Variants in TMIE observed in about 807,000 individuals in gnomAD.
TMIE encodes transmembrane inner ear.
A neutral mutation model predicts 16.8 loss-of-function variants in TMIE; 14 were observed. The ratio of observed to expected loss-of-function variants is 0.83; its 90% CI spans 0.55 to 1.30. TMIE has a LOEUF of 1.30. TMIE is among the 50% of genes most tolerant of loss of function. The pLI is 0.00. For missense variants in TMIE, 204 were observed against 205.9 expected, an observed-to-expected ratio of 0.99 and a Z score of 0.06; for synonymous variants, 75 against 87.2, an observed-to-expected ratio of 0.86 and a Z score of 0.78.
At chr3:46,698,029 G>C (rs977149472), upstream of TMIE, among the ~76,000 whole-genome samples, 2 of 152,038 alleles carry the variant, frequency 1.3e-5, no homozygotes, top group African/African-American at 4.8e-5. Flanking sequence ...GATCCAACAA[G>C]GTTTTTTGTT....
Position 46,703,056 on chromosome 3 carries a change from C to T in TMIE, c.93+1476C>T, listed in dbSNP as rs1045804901. ...GGAAATTGCATTTGGAGGCCATCTGCCTGACATCTGCCTACAGTCTGAGCA... is the reference window on the plus strand; with the variant it reads ...GGAAATTGCATTTGGAGGCCATCTGTCTGACATCTGCCTACAGTCTGAGCA... On this transcript the variant is annotated intron_variant, in intron 1 of 3. Coordinates refer to ENST00000643606, the MANE Select transcript of TMIE (RefSeq NM_147196.3). Among the ~76,000 whole-genome samples the T allele has an allele frequency of 3.9e-5, 6 of 152,204 alleles. No homozygotes were observed. The East Asian group carries it at 7.7e-4, about 20-fold the overall frequency.
At chr3:46,700,114 A>T (rs1195489939), upstream of TMIE, among the ~76,000 whole-genome samples, 2 of 152,206 alleles carry the variant, frequency 1.3e-5, no homozygotes, top group African/African-American at 2.4e-5. Flanking sequence ...ATTTTAGCAG[A>T]GTTCCTGTTT....
chr3:46,703,818 C>T (rs1270466308), intron 1 of TMIE, among the ~76,000 whole-genome samples: 2 of 152,144 alleles, frequency 1.3e-5, no homozygotes, highest in Admixed American at 6.5e-5. Flanking sequence ...TCCATGTTTA[C>T]GGACCTGGGG....
At chr3:46,697,936 T>C (rs1323935641), upstream of TMIE, among the ~76,000 whole-genome samples, 1 of 152,178 alleles carries the variant, frequency 6.6e-6, no homozygotes, top group African/African-American at 2.4e-5. Flanking sequence ...TCAAAACTAC[T>C]TTAACTTTCA....
rs1700592687 is a variant in TMIE, at chr3:46,709,419, G to T, written c.361+144G>T. 6 of 1,599,316 alleles carry T rather than the reference G, an allele frequency of 3.8e-6. No homozygotes were observed. In the South Asian group the frequency reaches 4.4e-5, roughly 12 times the overall value. On this transcript the variant is annotated intron_variant, in intron 3 of 3. Coordinates refer to ENST00000643606, the MANE Select transcript of TMIE (RefSeq NM_147196.3). ...CCCTGGAGACCAGAGCACAGAAATT[G>T]GTTGGCATGAGGCAAATAGAACGAT...
upstream of TMIE, among the ~76,000 whole-genome samples, chr3:46,698,027 A>G (rs1310710669): frequency 1.3e-5 from 2 of 152,064 alleles, no homozygotes; most frequent in African/African-American, 2.4e-5. Context: ...GAGATCCAAC[A>G]AGGTTTTTTG....
chr3:46,701,591 G>C lies in TMIE; in HGVS notation c.93+11G>C, dbSNP rs781201832. The C allele has an allele frequency of 3.1e-6, 4 of 1,283,976 alleles. No individual in the cohort carries two copies. The highest frequency in any genetic ancestry group is 3.9e-6 in the Non-Finnish European group (4 of 1,019,294). 79.5% of individuals were successfully genotyped at this position (1,283,976 alleles called of 1,614,324 possible). A position where few individuals can be genotyped will look rare whatever the true frequency, so the allele number is the denominator to read the frequency against. ...GGGCAGCTGGTGGAGGTGAGGCCGC[G>C]GCACGGAGGGACTGGGGAGGCTGTC... is the stretch of plus-strand genomic sequence containing the variant. On this transcript the variant is annotated intron_variant, in intron 1 of 3. Coordinates refer to ENST00000643606, the MANE Select transcript of TMIE (RefSeq NM_147196.3). The surrounding 1 kb of genome is among the most constrained non-coding windows in gnomAD (Gnocchi z 4.3).
At chr3:46,694,739 C>G (rs1463467990) in intron 1 of TMIE, 1 of 152,292 alleles carries the variant, frequency 6.6e-6, no homozygotes, top group Admixed American at 6.5e-5. Flanking sequence ...GCCTGGGACC[C>G]TTGTCTGAGT....
Position 46,709,855 on chromosome 3 carries a change from C to A in TMIE, c.*167C>A. 7.1e-7 allele frequency: 1 copy of A among 1,411,720 alleles called. No individual in the cohort carries two copies. Among genetic ancestry groups the A allele is most frequent in the Admixed American group, 2.2e-5 (1 of 46,436 alleles). The allele number at this position is 1,411,720 out of a possible 1,614,324, so 87.4% of individuals were successfully genotyped here. On this transcript the variant is annotated 3_prime_UTR_variant, in exon 4 of 4. Coordinates refer to ENST00000643606, the MANE Select transcript of TMIE (RefSeq NM_147196.3). ...TGGCCCATCAGGGGCAGGAACCAGACAATCTCGTAGGTGTCCTGCCCCCCA... is the reference window on the plus strand; with the variant it reads ...TGGCCCATCAGGGGCAGGAACCAGAAAATCTCGTAGGTGTCCTGCCCCCCA...
chr3:46,705,296 A>C (rs1041474865), intron 1 of TMIE, among the ~76,000 whole-genome samples: 3 of 152,176 alleles, frequency 2.0e-5, no homozygotes, highest in Non-Finnish European at 4.4e-5. Flanking sequence ...AGGCGACCAA[A>C]GGAGGCCACC....
chr3:46,708,026 A>G (rs1178136299), intron 2 of TMIE, among the ~76,000 whole-genome samples: 1 of 152,214 alleles, frequency 6.6e-6, no homozygotes, highest in Non-Finnish European at 1.5e-5. Flanking sequence ...GCCCTTGTGC[A>G]GCACCCTCCT....
intron 1 of TMIE, among the ~76,000 whole-genome samples, chr3:46,702,444 G>T (rs55650397): frequency 0.21 from 32,341 of 152,014 alleles, 3,833 homozygotes; most frequent in South Asian, 0.33. Context: ...CCACTCCTGC[G>T]GAGCCTGAAA....
chr3:46,697,515 G>T (rs1016447338), upstream of TMIE, among the ~76,000 whole-genome samples: 1 of 152,104 alleles, frequency 6.6e-6, no homozygotes, highest in Admixed American at 6.5e-5. Context: ...TCCATATCTC[G>T]CCCTATGCAT....
chr3:46,702,661 T>C (rs944729296), intron 1 of TMIE, among the ~76,000 whole-genome samples: 1 of 151,258 alleles, frequency 6.6e-6, no homozygotes, highest in Non-Finnish European at 1.5e-5. Context: ...TTGGGGACAG[T>C]GTGGGATAGA....
upstream of TMIE, among the ~76,000 whole-genome samples, chr3:46,697,945 CAGG>C (rs1700424826): frequency 6.6e-6 from 1 of 152,134 alleles, no homozygotes; most frequent in South Asian, 2.1e-4. Context: ...CTTTAACTTT[CAGG>C]ATGTTCGCCT....
chr3:46,703,319 A>G (rs1442577779), intron 1 of TMIE, among the ~76,000 whole-genome samples: 1 of 152,162 alleles, frequency 6.6e-6, no homozygotes, highest in Non-Finnish European at 1.5e-5. Flanking sequence ...GAGTAGGCCC[A>G]GCTCCACCCA....
intron 1 of TMIE, among the ~76,000 whole-genome samples, chr3:46,695,614 T>C (rs1297895069): frequency 6.6e-6 from 1 of 152,174 alleles, no homozygotes; most frequent in African/African-American, 2.4e-5. Context: ...CCTCACCACT[T>C]GTGACGAACA....
At chr3:46,696,033 C>T (rs1417753566) in intron 1 of TMIE, among the ~76,000 whole-genome samples, 1 of 152,200 alleles carries the variant, frequency 6.6e-6, no homozygotes, top group Non-Finnish European at 1.5e-5. Flanking sequence ...CCCTGCAGCA[C>T]AGCCAAGGGC....
intron 1 of TMIE, among the ~76,000 whole-genome samples, chr3:46,702,806 G>A (rs1700494078): frequency 6.6e-6 from 1 of 152,134 alleles, no homozygotes; most frequent in Admixed American, 6.5e-5. Context: ...TGACCACAAG[G>A]CTGGGCTAGA....
Sources: gnomAD v4.1 joint callset for allele counts (sites outside exome capture counted in the v4.1 genomes callset) on GRCh38, gnomAD v4.1.1 for gene constraint, Gnocchi (gnomAD v3.1) non-coding constraint, MANE v1.5 for transcripts, NCBI Gene and HGNC (gene_info 2026-07-23, HGNC 2026-07-21) for gene names.